Variants in WDHD1 observed in about 807,000 individuals in gnomAD.
WDHD1 encodes WD repeat and HMG-box DNA-binding protein 1.
Under a neutral mutation model 135.4 loss-of-function variants are expected in WDHD1, and 111 were observed. The ratio of observed to expected loss-of-function variants is 0.82; its 90% CI spans 0.70 to 0.96. WDHD1 has a LOEUF of 0.96. Ranked by LOEUF, WDHD1 falls within the 40% of genes least tolerant of loss-of-function variation. WDHD1 has a pLI of 0.00. For missense variants in WDHD1, 1,351 were observed against 1,336.3 expected, an observed-to-expected ratio of 1.01 and a Z score of -0.17; for synonymous variants, 434 against 439.0, an observed-to-expected ratio of 0.99 and a Z score of 0.14.
intron 3 of WDHD1, among the ~76,000 whole-genome samples, chr14:55,011,552 T>TAAAAAAAAAAAAA (rs2042170775): frequency 1.2e-5 from 1 of 85,468 alleles, no homozygotes; most frequent in African/African-American, 4.2e-5. Context: ...AAAAAAAAAG[T>TAAAAAAAAAAAAA]ATCCTGAGCA....
intron 24 of WDHD1, 124 bp from the exon 25 acceptor site, chr14:54,944,594 T>G: frequency 1.2e-6 from 1 of 867,010 alleles, no homozygotes; most frequent in Non-Finnish European, 1.6e-6. Context: ...GAAGACACAG[T>G]TACACTTGTT....
In WDHD1 at chr14:54,967,321, G is replaced by A. The variant is rs1007830822; in HGVS notation, c.2137C>T (p.Leu713Phe). ...TCTGTTGCAATCTGACAGTAAGGAA[G>A]CTTAAAGGATAATATAGCAACAGCA... ...RPAVAILSFK[L>F]PYCQIATEKG... Residue 713 changes from leucine (L) to phenylalanine (F), a missense_variant, in exon 17 of 26, where the codon CTT becomes TTT. Physicochemically the swap from Leu to Phe is conservative, Grantham distance 22. Coordinates refer to ENST00000360586, the MANE Select transcript of WDHD1 (RefSeq NM_007086.4). 1.2e-6 allele frequency: 2 copies of A among 1,612,370 alleles called. No homozygotes were observed. The highest frequency in any genetic ancestry group is 2.7e-5 in the African/African-American group (2 of 74,852).
intron 18 of WDHD1, among the ~76,000 whole-genome samples, chr14:54,965,960 A>T (rs925660931): frequency 6.6e-6 from 1 of 151,612 alleles, no homozygotes; most frequent in Non-Finnish European, 1.5e-5. Flanking sequence ...CCGCCTAAAA[A>T]AAAAAAAAGA....
intron 2 of WDHD1, among the ~76,000 whole-genome samples, chr14:55,018,987 C>A (rs577461395): frequency 5.9e-5 from 9 of 152,276 alleles, no homozygotes. Context: ...GGTGCCATTG[C>A]ACTCCAGCCT....
intron 2 of WDHD1, 21 bp from the exon 3 acceptor site, chr14:55,013,617 TTAAAGTCATCGGGCATGGTGTCTCATGCC>T (rs2042210892): frequency 6.3e-7 from 1 of 1,592,016 alleles, no homozygotes; most frequent in Non-Finnish European, 8.6e-7. Context: ...AAGACACAAA[TTAAAGTCATCGGGCATGGTGTCTCATGCC>T]TATAATGCTA....
chr14:54,967,146 C>G, intron 17 of WDHD1, 134 bp downstream of exon 17: 1 of 696,254 alleles, frequency 1.4e-6, no homozygotes, highest in Non-Finnish European at 2.3e-6. Context: ...GTCCTCTTCC[C>G]TCCCTGCTAC....
chr14:54,943,698 T>C (rs898675613), intron 25 of WDHD1, among the ~76,000 whole-genome samples: 5 of 152,156 alleles, frequency 3.3e-5, no homozygotes, highest in Non-Finnish European at 7.4e-5. Context: ...GAACTCAGCT[T>C]GACACTTTTG....
At chr14:54,962,435 G>A in intron 21 of WDHD1, 63 bp downstream of exon 21, 1 of 1,244,046 alleles carries the variant, frequency 8.0e-7, no homozygotes, top group Non-Finnish European at 1.2e-6. Context: ...TTGCGTAGAT[G>A]TGTCACTTTG....
chr14:54,957,756 T>C, intron 21 of WDHD1, 121 bp from the exon 22 acceptor site: 1 of 755,154 alleles, frequency 1.3e-6, no homozygotes, highest in South Asian at 2.2e-5. Flanking sequence ...TTTGCAACTT[T>C]TCAAAACTAT....
chr14:54,962,855 TA>T lies in WDHD1; in HGVS notation c.2532-3del. On this transcript the variant is annotated splice_region_variant and splice_polypyrimidine_tract_variant and intron_variant, in intron 19 of 25. Transcript: ENST00000360586. Reference sequence around the variant, plus strand: ...CACTCTGTAGCAGTATTGCTGTAACTAAGAGAAAATAATATTATTCAATAAA... The same window carrying T: ...CACTCTGTAGCAGTATTGCTGTAACTAGAGAAAATAATATTATTCAATAAA... 6.2e-7 allele frequency: 1 copy of T among 1,611,630 alleles called. No homozygotes were observed. Among genetic ancestry groups the T allele is most frequent in the Non-Finnish European group, 8.5e-7 (1 of 1,179,822 alleles).
chr14:54,941,435 T>A lies in WDHD1; in HGVS notation c.*55A>T. 2 of 1,450,164 alleles carry A rather than the reference T, an allele frequency of 1.4e-6. No individual in the cohort carries two copies. The highest frequency in any genetic ancestry group is 1.9e-6 in the Non-Finnish European group (2 of 1,066,476). 89.8% of individuals were successfully genotyped at this position (1,450,164 alleles called of 1,614,324 possible). Reference sequence around the variant, plus strand: ...TGAGTTTCCCAAAGACTCGAGTCTATATTCAAAGATGAGTAAAAAAAAATC... The same window carrying A: ...TGAGTTTCCCAAAGACTCGAGTCTAAATTCAAAGATGAGTAAAAAAAAATC... On this transcript the variant is annotated 3_prime_UTR_variant, in exon 26 of 26. Transcript: ENST00000360586.
At chr14:55,003,507 C>T (rs2042010134) in intron 7 of WDHD1, among the ~76,000 whole-genome samples, 1 of 150,248 alleles carries the variant, frequency 6.7e-6, no homozygotes, top group Admixed American at 6.6e-5. Context: ...AGAGTGAGAC[C>T]ATGTCTCAAA....
At chr14:55,001,589 TA>T (rs1171134513) in intron 8 of WDHD1, among the ~76,000 whole-genome samples, 1 of 152,180 alleles carries the variant, frequency 6.6e-6, no homozygotes, top group East Asian at 1.9e-4. Flanking sequence ...AAGCAAAACC[TA>T]AAAAATGTTA....
intron 24 of WDHD1, among the ~76,000 whole-genome samples, chr14:54,954,972 G>A (rs192350902): frequency 3.2e-3 from 493 of 152,248 alleles, no homozygotes; most frequent in Non-Finnish European, 5.2e-3. Flanking sequence ...CAGATGATCC[G>A]CCTGCTTCGG....
intron 18 of WDHD1, 39 bp from the exon 19 acceptor site, chr14:54,963,211 A>T (rs1204529662): frequency 6.7e-7 from 1 of 1,482,960 alleles, no homozygotes; most frequent in Non-Finnish European, 9.3e-7. Flanking sequence ...ATCAAATAAC[A>T]TCAAGTAAAA....
Position 54,944,405 on chromosome 14 carries a change from T to C in WDHD1, c.3116A>G (p.Asp1039Gly). 1 of 1,608,176 alleles carries C rather than the reference T, an allele frequency of 6.2e-7. No homozygotes were observed. Among genetic ancestry groups the C allele is most frequent in the Non-Finnish European group, 8.5e-7 (1 of 1,178,944 alleles). Residue 1039 changes from aspartate (D) to glycine (G), a missense_variant, in exon 25 of 26, where the codon GAC (aspartate) becomes GGC (glycine). Asp to Gly is a moderately conservative substitution (Grantham distance 94). This residue lies in a region of WDHD1 where 1,330 missense variants were observed against 1,296.1 expected (regional missense o/e 1.03). Transcript: ENST00000360586. ...NRSNILSDNP[D>G]FSDEADIIKE... The stretch of plus-strand genomic sequence containing the variant: ...TATTATGTCTGCTTCATCTGAAAAG[T>C]CAGGATTGTCAGACAAAATATTACT...
At chr14:55,001,047 C>A in intron 8 of WDHD1, 55 bp from the exon 9 acceptor site, 1 of 1,151,368 alleles carries the variant, frequency 8.7e-7, no homozygotes, top group South Asian at 2.0e-5. Flanking sequence ...AAACTAAATA[C>A]TCATTTTATT....
At chr14:54,988,408 T>C (rs1383537603) in intron 13 of WDHD1, among the ~76,000 whole-genome samples, 2 of 152,070 alleles carry the variant, frequency 1.3e-5, no homozygotes, top group Middle Eastern at 3.2e-3. Context: ...AAGGCTAGGG[T>C]TGAACTAACT....
intron 2 of WDHD1, among the ~76,000 whole-genome samples, chr14:55,015,379 CAAAAAAAAAAAAA>C (rs60609405): frequency 2.4e-4 from 13 of 54,454 alleles, no homozygotes; most frequent in Admixed American, 6.4e-4. Flanking sequence ...GACACTGTCT[CAAAAAAAAAAAAA>C]AAAAAAAAAA....
Sources: gnomAD v4.1 joint callset for allele counts (sites outside exome capture counted in the v4.1 genomes callset) on GRCh38, gnomAD v4.1.1 for gene constraint, gnomAD v4.1.1 regional missense constraint, MANE v1.5 for transcripts, NCBI Gene and HGNC (gene_info 2026-07-23, HGNC 2026-07-21) for gene names.